RELN: variants seen among roughly 807,000 people sequenced by gnomAD.
RELN encodes the protein reelin.
RELN carries 108 observed loss-of-function variants against 427.6 expected under a neutral mutation model. The observed-to-expected ratio is 0.25, with a 90% CI of 0.22 to 0.30. The LOEUF (loss-of-function observed/expected upper bound fraction) is 0.30, where lower values mean the gene tolerates loss of function less well. Ranked by LOEUF, RELN falls within the 10% of genes least tolerant of loss-of-function variation. The pLI, the probability that RELN is intolerant of heterozygous loss-of-function variation, is 1.00. For synonymous variants in RELN, 1,524 were observed against 1,513.4 expected (o/e 1.01, Z -0.16); for missense variants, 3,715 against 4,302.8 (o/e 0.86, Z 3.82).
intron 2 of RELN, among the ~76,000 whole-genome samples, chr7:103,859,560 T>C (rs1450448210): frequency 1.3e-5 from 2 of 152,224 alleles, no homozygotes; most frequent in African/African-American, 2.4e-5. Context: ...CCCAAAGTGC[T>C]GGGATTATAG....
intron 3 of RELN, among the ~76,000 whole-genome samples, chr7:103,792,074 A>G (rs1051260677): frequency 6.6e-6 from 1 of 152,234 alleles, no homozygotes; most frequent in East Asian, 1.9e-4. Flanking sequence ...ATAAGTGTTG[A>G]CAAGGATGTG....
intron 16 of RELN, among the ~76,000 whole-genome samples, chr7:103,642,349 GTTT>G (rs201250403): frequency 3.3e-4 from 37 of 112,748 alleles, no homozygotes; most frequent in Non-Finnish European, 4.9e-4. Flanking sequence ...ATTTCATAGT[GTTT>G]TTTTTTTTTT....
intron 28 of RELN, among the ~76,000 whole-genome samples, chr7:103,576,389 C>T (rs1258530302): frequency 2.0e-5 from 3 of 152,188 alleles, no homozygotes; most frequent in Non-Finnish European, 4.4e-5. Flanking sequence ...ATCTGCCCGC[C>T]TCAGCCTCCC....
intron 53 of RELN, among the ~76,000 whole-genome samples, chr7:103,500,380 CATAACAATA>C (rs981701114): frequency 3.3e-5 from 5 of 151,348 alleles, no homozygotes; most frequent in African/African-American, 1.2e-4. Flanking sequence ...TGCTTTATTT[CATAACAATA>C]ATAACAATAA....
intron 11 of RELN, among the ~76,000 whole-genome samples, chr7:103,677,260 G>A (rs529144422): frequency 6.6e-6 from 1 of 150,436 alleles, no homozygotes; most frequent in African/African-American, 2.5e-5. Flanking sequence ...TAGGATCTGT[G>A]GGGGGTGGGG....
Position 103,503,476 on chromosome 7 carries a change from C to T in RELN, c.8275-246G>A, listed in dbSNP as rs78530360. On this transcript the variant is annotated intron_variant, in intron 51 of 64. Coordinates refer to ENST00000428762, the MANE Select transcript of RELN (RefSeq NM_005045.4). ...TTTGGAGAGAAACTCAGACCCCGTG[C>T]TTCTGCCATGCTGGCTGAATGCCTT... is the stretch of plus-strand genomic sequence containing the variant. Among the ~76,000 whole-genome samples the T allele has an allele frequency of 0.047, 7,163 of 152,278 alleles. 244 individuals are homozygous for T. Among genetic ancestry groups the T allele is most frequent in the Non-Finnish European group, 0.065 (4,446 of 68,018 alleles).
intron 2 of RELN, among the ~76,000 whole-genome samples, chr7:103,901,518 T>C (rs1228297230): frequency 6.6e-6 from 1 of 152,046 alleles, no homozygotes; most frequent in Admixed American, 6.6e-5. Context: ...CATCAATAGA[T>C]TGAATGGATA....
chr7:103,491,989 A>C lies in RELN; in HGVS notation c.9407T>G (p.Leu3136Arg). Reference protein sequence around the residue: ...VGCEATSCGDLHSVMLEYTKD... With the variant: ...VGCEATSCGDRHSVMLEYTKD... The stretch of plus-strand genomic sequence containing the variant: ...AGTGTATTCCAGCATTACGGAATGA[A>C]GGTCACCACAAGAAGTGGCTTCACA... The change falls in exon 58 of 65, where the codon CTT becomes CGT. Residue 3136 changes from leucine to arginine, a missense_variant. Transcript: ENST00000428762. 1.2e-6 allele frequency: 2 copies of C among 1,613,654 alleles called. No homozygotes were observed. Among genetic ancestry groups the C allele is most frequent in the Non-Finnish European group, 1.7e-6 (2 of 1,179,798 alleles).
At chr7:103,488,470 A>G (rs959821188) in intron 60 of RELN, among the ~76,000 whole-genome samples, 4 of 152,338 alleles carry the variant, frequency 2.6e-5, no homozygotes, top group South Asian at 2.1e-4. Flanking sequence ...CTCAGTGACA[A>G]TGACACCAGG....
At chr7:103,770,913 C>T (rs1199001939) in intron 4 of RELN, among the ~76,000 whole-genome samples, 2 of 119,134 alleles carry the variant, frequency 1.7e-5, no homozygotes, top group African/African-American at 3.3e-5. Flanking sequence ...CAATCGCTTA[C>T]TTTTTTTTTT....
intron 52 of RELN, 77 bp downstream of exon 52, chr7:103,502,938 TC>T: frequency 8.4e-7 from 1 of 1,192,256 alleles, no homozygotes; most frequent in Non-Finnish European, 1.2e-6. Context: ...ACACATAATT[TC>T]AGGCATGACA....
chr7:103,826,269 A>G (rs1351128639), intron 3 of RELN, among the ~76,000 whole-genome samples: 8 of 150,856 alleles, frequency 5.3e-5, no homozygotes, highest in African/African-American at 1.9e-4. Context: ...TTGTTTATAA[A>G]TGATCCTGTC....
intron 8 of RELN, among the ~76,000 whole-genome samples, chr7:103,715,336 T>C (rs1789910969): frequency 6.6e-6 from 1 of 152,212 alleles, no homozygotes; most frequent in Admixed American, 6.5e-5. Flanking sequence ...GAAATACTTT[T>C]TTTCATAATA....
At chr7:103,482,785 G>A in intron 63 of RELN, 88 bp downstream of exon 63, 4 of 1,602,446 alleles carry the variant, frequency 2.5e-6, no homozygotes, top group East Asian at 4.5e-5. Context: ...ATCAAAAACG[G>A]ATCTTACTGA....
chr7:103,958,371 G>A (rs1160449572), intron 1 of RELN, among the ~76,000 whole-genome samples: 1 of 152,210 alleles, frequency 6.6e-6, no homozygotes, highest in Non-Finnish European at 1.5e-5. Flanking sequence ...AGGAGTTAAG[G>A]TCTGATTTGT....
chr7:103,579,193 G>C (rs1020929450), intron 28 of RELN, among the ~76,000 whole-genome samples: 1 of 152,172 alleles, frequency 6.6e-6, no homozygotes, highest in Non-Finnish European at 1.5e-5. Flanking sequence ...CCATTAAGAA[G>C]GACATAGAGA....
At chr7:103,686,524 T>G (rs1031649328) in intron 10 of RELN, among the ~76,000 whole-genome samples, 2 of 151,976 alleles carry the variant, frequency 1.3e-5, no homozygotes, top group African/African-American at 4.8e-5. Flanking sequence ...AGATGAGATA[T>G]GAGGAACACA....
rs199877848 is a variant in RELN at position 103,923,300 on chromosome 7, TA to T, written c.227-6116del. ...AGCTCTGGGCACCAAATAGAGACCA[TA>T]AAAAAATACATTATAATTTCCATTC... On this transcript the variant is annotated intron_variant, in intron 1 of 64. Transcript: ENST00000428762. Among the ~76,000 whole-genome samples the T allele has an allele frequency of 1.9e-3, 292 of 152,236 alleles. 5 individuals carry two copies. In the East Asian group the frequency reaches 0.046, roughly 24 times the overall value.
At chr7:103,720,185 G>A (rs1305619782) in intron 8 of RELN, among the ~76,000 whole-genome samples, 1 of 151,710 alleles carries the variant, frequency 6.6e-6, no homozygotes, top group East Asian at 1.9e-4. Flanking sequence ...GTGTGTGTGT[G>A]TGTGTGTGTG....
Sources: gnomAD v4.1 joint callset for allele counts (sites outside exome capture counted in the v4.1 genomes callset) on GRCh38, gnomAD v4.1.1 for gene constraint, MANE v1.5 for transcripts, NCBI Gene and HGNC (gene_info 2026-07-23, HGNC 2026-07-21) for gene names.